KDM7A: variants seen among roughly 807,000 people sequenced by gnomAD.
KDM7A encodes lysine-specific demethylase 7A.
In KDM7A, 28 loss-of-function variants were observed where a neutral mutation model predicts 114.8. That is an observed-to-expected ratio of 0.24 (90% CI 0.18 to 0.33). The LOEUF (loss-of-function observed/expected upper bound fraction) is 0.33. Among genes scored for constraint, KDM7A ranks in the 10% least tolerant of loss-of-function variants. KDM7A has a pLI of 1.00. For synonymous variants in KDM7A, 423 were observed against 397.8 expected, an observed-to-expected ratio of 1.06 and a Z score of -0.75; for missense variants, 942 against 1,142.5, an observed-to-expected ratio of 0.82 and a Z score of 2.53.
rs747149560 is a variant in KDM7A at position 140,127,629 on chromosome 7, T to C, written c.560-46A>G. On this transcript the variant is annotated intron_variant, in intron 4 of 19. Coordinates refer to ENST00000397560, the MANE Select transcript of KDM7A (RefSeq NM_030647.2). ...CTTATTATTGGACTTAAGAGTTACA[T>C]CAGCAGATGCTCTAATCAAAAAATA... The C allele has an allele frequency of 3.3e-6, 5 of 1,492,614 alleles. No individual in the cohort carries two copies. In the Admixed American group the frequency reaches 5.3e-5, roughly 16 times the overall value. The allele number at this position is 1,492,614 out of a possible 1,614,324, so 92.5% of individuals were successfully genotyped here.
chr7:140,097,182 T>C, intron 15 of KDM7A, 135 bp from the exon 16 acceptor site: 1 of 667,558 alleles, frequency 1.5e-6, no homozygotes, highest in Non-Finnish European at 2.5e-6. Context: ...GTAATTCACA[T>C]GAAAAAAATG....
Position 140,176,131 on chromosome 7 carries a change from G to A in KDM7A, c.194+613C>T, listed in dbSNP as rs1395827645. 2.0e-5 allele frequency among the ~76,000 whole-genome samples: 3 copies of A among 151,786 alleles called. No homozygotes were observed. The highest frequency in any genetic ancestry group is 7.3e-5 in the African/African-American group (3 of 41,370). On this transcript the variant is annotated intron_variant, in intron 1 of 19. Coordinates refer to ENST00000397560, the MANE Select transcript of KDM7A (RefSeq NM_030647.2). This position sits in a 1 kb window ranked among gnomAD's most constrained non-coding sequence, Gnocchi z 4.4. ...TCTGTTTACTCCGCGGAGCCCCGCCGAGCTGGCTGGCGCGGTCGCCTCTCC... is the reference window on the plus strand; with the variant it reads ...TCTGTTTACTCCGCGGAGCCCCGCCAAGCTGGCTGGCGCGGTCGCCTCTCC...
At chr7:140,158,818 C>T (rs1173563243) in intron 1 of KDM7A, among the ~76,000 whole-genome samples, 18 of 152,098 alleles carry the variant, frequency 1.2e-4, no homozygotes, top group Admixed American at 1.2e-3. Flanking sequence ...TCACTGATAA[C>T]TTTGAAAAGA....
intron 7 of KDM7A, among the ~76,000 whole-genome samples, chr7:140,122,423 A>G (rs1346148301): frequency 6.6e-6 from 1 of 152,220 alleles, no homozygotes; most frequent in African/African-American, 2.4e-5. Context: ...AGAAGTAGGA[A>G]GATTTAAGGG....
Position 140,099,947 on chromosome 7 carries a change from G to C in KDM7A, c.1715C>G (p.Ala572Gly). ...QPSSTVPEWR[A>G]KDNDLRLLLT... ...CAGTAATCGTAGATCATTATCTTTC[G>C]CTCTCCATTCAGGTACTGTGGAGGA... is the stretch of plus-strand genomic sequence containing the variant. The change falls in exon 13 of 20, where the codon GCG (alanine) becomes GGG (glycine). Residue 572 changes from alanine (A) to glycine (G), a missense_variant. Coordinates refer to ENST00000397560, the MANE Select transcript of KDM7A (RefSeq NM_030647.2). 1 of 1,611,252 alleles carries C rather than the reference G, an allele frequency of 6.2e-7. No homozygotes were observed.
rs983278651 is a variant in KDM7A at position 140,171,706 on chromosome 7, A to G, written c.194+5038T>C. ...CTCCCTCTCAGTCAATTCCCACCCA[A>G]AAGGTAAACCCTATTCTGACTCCTA... On this transcript the variant is annotated intron_variant, in intron 1 of 19. Coordinates refer to ENST00000397560, the MANE Select transcript of KDM7A (RefSeq NM_030647.2). Among the ~76,000 whole-genome samples, 94 of 150,752 alleles carry G rather than the reference A, an allele frequency of 6.2e-4. 1 individual carries two copies. The highest frequency in any genetic ancestry group is 2.2e-3 in the African/African-American group (92 of 41,072).
intron 2 of KDM7A, among the ~76,000 whole-genome samples, chr7:140,135,236 G>A (rs1234324577): frequency 8.0e-6 from 1 of 125,154 alleles, no homozygotes; most frequent in Non-Finnish European, 1.6e-5. Context: ...ACAGAGTCTT[G>A]CCCTGTTGCC....
chr7:140,171,888 A>T (rs1010039517), intron 1 of KDM7A, among the ~76,000 whole-genome samples: 6 of 152,160 alleles, frequency 3.9e-5, no homozygotes, highest in South Asian at 2.1e-4. Flanking sequence ...ATTCCATTTT[A>T]TGACTATACT....
intron 2 of KDM7A, among the ~76,000 whole-genome samples, chr7:140,136,572 T>C (rs1406925468): frequency 6.6e-6 from 1 of 152,246 alleles, no homozygotes; most frequent in Non-Finnish European, 1.5e-5. Flanking sequence ...TTTTGATACC[T>C]GCCCTCAAAT....
intron 7 of KDM7A, among the ~76,000 whole-genome samples, chr7:140,122,521 C>A (rs1224124463): frequency 1.3e-5 from 2 of 152,162 alleles, no homozygotes; most frequent in Non-Finnish European, 2.9e-5. Context: ...TAAGGCATGT[C>A]TTCATTTATT....
rs1348743704 is a variant in KDM7A at position 140,096,906 on chromosome 7, T to C, written c.2158A>G (p.Ile720Val). 4 of 1,613,778 alleles carry C rather than the reference T, an allele frequency of 2.5e-6. No individual in the cohort carries two copies. The highest frequency in any genetic ancestry group is 2.2e-5 in the East Asian group (1 of 44,854). The change falls in exon 16 of 20, where the codon ATT (isoleucine) becomes GTT (valine). Residue 720 changes from isoleucine to valine, a missense_variant. Physicochemically the swap from Ile to Val is conservative, Grantham distance 29. This residue lies in a region of KDM7A where 512 missense variants were observed against 576.6 expected (regional missense o/e 0.89). Transcript: ENST00000397560. ...TACTATCAGCAAGCCTACCTTTTAA[T>C]TGGAATTTCACTTCTAGATGGCTTC... ...SQKPSRSEIP[I>V]KRECPTSTST...
At position 140,088,751 on chromosome 7, in the gene KDM7A, C is replaced by T; in HGVS notation, c.*2343G>A. 1 of 374,710 alleles carries T rather than the reference C, an allele frequency of 2.7e-6. No homozygotes were observed. The highest frequency in any genetic ancestry group is 4.7e-6 in the Non-Finnish European group (1 of 211,318). 23.2% of individuals were successfully genotyped at this position (374,710 alleles called of 1,614,324 possible). On this transcript the variant is annotated 3_prime_UTR_variant, in exon 20 of 20. Coordinates refer to ENST00000397560, the MANE Select transcript of KDM7A (RefSeq NM_030647.2). ...GGGCTAAAACTACTAAAAATGAATCCACAGTACCTTCACTTTAGAATTCCA... is the reference window on the plus strand; with the variant it reads ...GGGCTAAAACTACTAAAAATGAATCTACAGTACCTTCACTTTAGAATTCCA...
At chr7:140,166,921 A>T in intron 1 of KDM7A, among the ~76,000 whole-genome samples, 1 of 152,360 alleles carries the variant, frequency 6.6e-6, no homozygotes, top group South Asian at 2.1e-4. Flanking sequence ...AAGTAGTAGA[A>T]TATAAAAGTA....
chr7:140,161,808 T>G (rs1051896435), intron 1 of KDM7A, among the ~76,000 whole-genome samples: 1 of 151,898 alleles, frequency 6.6e-6, no homozygotes, highest in South Asian at 2.1e-4. Context: ...CCTCCCAAAG[T>G]GCTAGGATTA....
intron 10 of KDM7A, among the ~76,000 whole-genome samples, chr7:140,111,826 T>A (rs2116772532): frequency 6.6e-6 from 1 of 151,866 alleles, no homozygotes; most frequent in East Asian, 1.9e-4. Context: ...AGGCGTGGAA[T>A]CCCAGCTACT....
chr7:140,099,968 G>A lies in KDM7A; in HGVS notation c.1694C>T (p.Ser565Phe). The A allele has an allele frequency of 1.2e-6, 2 of 1,613,382 alleles. No homozygotes were observed. The highest frequency in any genetic ancestry group is 8.5e-7 in the Non-Finnish European group (1 of 1,179,326). The change falls in exon 13 of 20, where the codon TCC becomes TTC. Residue 565 changes from serine to phenylalanine, a missense_variant. Coordinates refer to ENST00000397560, the MANE Select transcript of KDM7A (RefSeq NM_030647.2). ...TTTCGCTCTCCATTCAGGTACTGTGGAGGATGGTTGGAGATGTTTGTTGAA... is the reference window on the plus strand; with the variant it reads ...TTTCGCTCTCCATTCAGGTACTGTGAAGGATGGTTGGAGATGTTTGTTGAA... ...GKFNKHLQPS[S>F]TVPEWRAKDN...
chr7:140,176,140 G>A lies in KDM7A; in HGVS notation c.194+604C>T, dbSNP rs1467344491. 6.6e-6 allele frequency among the ~76,000 whole-genome samples: 1 copy of A among 151,844 alleles called. No individual in the cohort carries two copies. The highest frequency in any genetic ancestry group is 1.5e-5 in the Non-Finnish European group (1 of 67,908). On this transcript the variant is annotated intron_variant, in intron 1 of 19. Transcript: ENST00000397560. This position sits in a 1 kb window ranked among gnomAD's most constrained non-coding sequence, Gnocchi z 4.4. ...TCCGCGGAGCCCCGCCGAGCTGGCT[G>A]GCGCGGTCGCCTCTCCGGCCCGCCG... is the stretch of plus-strand genomic sequence containing the variant.
At chr7:140,114,214 C>G (rs1040448106) in intron 9 of KDM7A, among the ~76,000 whole-genome samples, 1 of 152,122 alleles carries the variant, frequency 6.6e-6, no homozygotes, top group African/African-American at 2.4e-5. Flanking sequence ...CCCTCTGATG[C>G]CAAGCGGAAG....
At chr7:140,163,925 A>G (rs1277044570) in intron 1 of KDM7A, among the ~76,000 whole-genome samples, 1 of 152,224 alleles carries the variant, frequency 6.6e-6, no homozygotes, top group African/African-American at 2.4e-5. Context: ...TTTTCTAATT[A>G]TCAGTTATAA....
Sources: allele counts gnomAD v4.1 joint callset (sites outside exome capture counted in the v4.1 genomes callset), GRCh38; gene constraint gnomAD v4.1.1; regional missense constraint gnomAD v4.1.1; non-coding constraint Gnocchi (gnomAD v3.1); transcripts MANE v1.5; gene names NCBI Gene and HGNC (gene_info 2026-07-23, HGNC 2026-07-21).